AGAP1: variants seen among roughly 807,000 people sequenced by gnomAD.
AGAP1 encodes ArfGAP with GTPase domain, ankyrin repeat and PH domain 1, also known as arf-GAP with GTPase, ANK repeat and PH domain-containing protein 1.
A neutral mutation model predicts 105.3 loss-of-function variants in AGAP1; 29 were observed. The observed-to-expected ratio is 0.28, with a 90% CI of 0.21 to 0.38. The LOEUF is 0.38. AGAP1 is among the 10% of genes least tolerant of loss of function. The probability of loss-of-function intolerance (pLI) is 1.00; values close to 1 mark genes in which losing one functional copy is unlikely to be tolerated. For missense variants in AGAP1, 998 were observed against 1,165.1 expected (o/e 0.86, Z 2.09); for synonymous variants, 509 against 485.9 (o/e 1.05, Z -0.63).
In AGAP1 at chr2:236,049,301, C is replaced by T. The variant is rs759187819; in HGVS notation, c.2114+20C>T. Reference sequence around the variant, plus strand: ...CACAAGGTAGGAACTTTGGAAGATGCCTGGCTCCCGACACGTTTGCCAACA... The same window carrying T: ...CACAAGGTAGGAACTTTGGAAGATGTCTGGCTCCCGACACGTTTGCCAACA... On this transcript the variant is annotated intron_variant, in intron 16 of 17. Transcript: ENST00000304032. 5.6e-6 allele frequency: 9 copies of T among 1,598,618 alleles called. No homozygotes were observed. The highest frequency in any genetic ancestry group is 7.7e-6 in the Non-Finnish European group (9 of 1,167,544).
At chr2:235,603,918 C>T (rs567405626) in intron 1 of AGAP1, among the ~76,000 whole-genome samples, 12 of 152,216 alleles carry the variant, frequency 7.9e-5, no homozygotes, top group Admixed American at 3.3e-4. Context: ...GGTTGGTTGA[C>T]GGTCTGCAAG....
At chr2:236,018,068 G>T (rs953956511) in intron 13 of AGAP1, among the ~76,000 whole-genome samples, 1 of 152,208 alleles carries the variant, frequency 6.6e-6, no homozygotes, top group Admixed American at 6.6e-5. Flanking sequence ...GTCCATTGTG[G>T]CTAACACTGA....
At chr2:236,007,300 C>A (rs1455817385) in intron 13 of AGAP1, among the ~76,000 whole-genome samples, 1 of 152,190 alleles carries the variant, frequency 6.6e-6, no homozygotes, top group African/African-American at 2.4e-5. Flanking sequence ...TAGATATTTT[C>A]ACCAGTCTTC....
At chr2:235,688,902 G>A (rs1386258900) in intron 1 of AGAP1, among the ~76,000 whole-genome samples, 2 of 152,146 alleles carry the variant, frequency 1.3e-5, no homozygotes, top group African/African-American at 4.8e-5. Context: ...TGGGTTTGTT[G>A]CTGTGTCACA....
rs1235692784 is a variant in AGAP1, at chr2:235,819,117, CT to C, written c.1050+11800del. 3.9e-3 allele frequency among the ~76,000 whole-genome samples: 287 copies of C among 73,960 alleles called. 1 individual carries two copies. Among genetic ancestry groups the C allele is most frequent in the Non-Finnish European group, 4.4e-3 (146 of 32,846 alleles). 48.5% of individuals were successfully genotyped at this position (73,960 alleles called of 152,430 possible). A position where few individuals can be genotyped will look rare whatever the true frequency, so the allele number is the denominator to read the frequency against. ...AATTGTATTTCTTTTCTTTTCTTTT[CT>C]TTTTTTTTTTTTTGGAGACAGAGTC... On this transcript the variant is annotated intron_variant, in intron 9 of 17. Transcript: ENST00000304032.
chr2:235,568,983 T>C (rs550651175), intron 1 of AGAP1, among the ~76,000 whole-genome samples: 16 of 152,350 alleles, frequency 1.1e-4, no homozygotes, highest in African/African-American at 2.9e-4. Flanking sequence ...CTCACCTCAA[T>C]GCCATTAATT....
Position 236,125,366 on chromosome 2 carries a change from G to A in AGAP1, c.*1244G>A, listed in dbSNP as rs1445818776. ...AAGAGGGTTACAGATCATTGTACAT[G>A]GAAAATATTCCCAGCAGTAAACACT... On this transcript the variant is annotated 3_prime_UTR_variant, in exon 18 of 18. Coordinates refer to ENST00000304032, the MANE Select transcript of AGAP1 (RefSeq NM_001037131.3). The surrounding 1 kb of genome is among the most constrained non-coding windows in gnomAD (Gnocchi z 5.2). The A allele has an allele frequency of 6.6e-6, 1 of 152,582 alleles. No individual in the cohort carries two copies. Among genetic ancestry groups the A allele is most frequent in the Non-Finnish European group, 1.5e-5 (1 of 68,036 alleles). The allele number at this position is 152,582 out of a possible 1,614,324, so 9.5% of individuals were successfully genotyped here. A position where few individuals can be genotyped will look rare whatever the true frequency, so the allele number is the denominator to read the frequency against.
Position 235,600,416 on chromosome 2 carries a change from C to T in AGAP1, c.163+105567C>T, listed in dbSNP as rs116621203. 9.3e-3 allele frequency among the ~76,000 whole-genome samples: 1,411 copies of T among 152,272 alleles called. 26 individuals carry two copies. The highest frequency in any genetic ancestry group is 0.032 in the African/African-American group (1,344 of 41,550). ...CTTACCCACCCTCTGCCCTATAGAC[C>T]CCCATACTCCTGTAGATACCCCCTC... On this transcript the variant is annotated intron_variant, in intron 1 of 17. Coordinates refer to ENST00000304032, the MANE Select transcript of AGAP1 (RefSeq NM_001037131.3). The surrounding 1 kb of genome is among the most constrained non-coding windows in gnomAD (Gnocchi z 4.8).
intron 6 of AGAP1, among the ~76,000 whole-genome samples, chr2:235,782,227 G>T (rs1406525075): frequency 6.6e-6 from 1 of 151,584 alleles, no homozygotes; most frequent in East Asian, 2.0e-4. Context: ...GATAACTTTG[G>T]CTACTATATA....
rs561227911 is a variant in AGAP1 at position 235,625,031 on chromosome 2, C to T, written c.164-84148C>T. 5.9e-5 allele frequency among the ~76,000 whole-genome samples: 9 copies of T among 152,284 alleles called. No homozygotes were observed. Among genetic ancestry groups the T allele is most frequent in the East Asian group, 1.9e-4 (1 of 5,186 alleles). On this transcript the variant is annotated intron_variant, in intron 1 of 17. Coordinates refer to ENST00000304032, the MANE Select transcript of AGAP1 (RefSeq NM_001037131.3). This position sits in a 1 kb window ranked among gnomAD's most constrained non-coding sequence, Gnocchi z 4.0. ...ATGCTTTCTATACACTCTGCAGAAC[C>T]GTGTGCCAATTAAACTTCTTTTATT...
In AGAP1 at chr2:235,971,572, C is replaced by T. The variant is rs1374644492; in HGVS notation, c.1645+2949C>T. On this transcript the variant is annotated intron_variant, in intron 13 of 17. Transcript: ENST00000304032. The surrounding 1 kb of genome is among the most constrained non-coding windows in gnomAD (Gnocchi z 4.8). ...AAATTAGCTGGGCATGGTGGCAGGT[C>T]CCAGCTACTTGGGAGGCTGAGGCAG... Among the ~76,000 whole-genome samples, 2 of 151,802 alleles carry T rather than the reference C, an allele frequency of 1.3e-5. No individual in the cohort carries two copies. The highest frequency in any genetic ancestry group is 2.9e-5 in the Non-Finnish European group (2 of 67,898).
chr2:235,708,538 C>T (rs1425463621), intron 1 of AGAP1, among the ~76,000 whole-genome samples: 1 of 152,140 alleles, frequency 6.6e-6, no homozygotes, highest in African/African-American at 2.4e-5. Flanking sequence ...AGTCCTCCAT[C>T]TTTCTGACAT....
intron 13 of AGAP1, among the ~76,000 whole-genome samples, chr2:236,022,074 AAAAAG>A (rs1466725200): frequency 6.6e-6 from 1 of 150,838 alleles, no homozygotes; most frequent in East Asian, 1.9e-4. Context: ...AAAAAAAAAA[AAAAAG>A]GCACATATGG....
chr2:235,700,654 G>A lies in AGAP1; in HGVS notation c.164-8525G>A, dbSNP rs959896959. On this transcript the variant is annotated intron_variant, in intron 1 of 17. Coordinates refer to ENST00000304032, the MANE Select transcript of AGAP1 (RefSeq NM_001037131.3). The surrounding 1 kb of genome is among the most constrained non-coding windows in gnomAD (Gnocchi z 6.1). ...GTCTCTACTGAAAATACAAAAATTA[G>A]CCAGGCATGGTAGCGCGTGCCTGTA... Among the ~76,000 whole-genome samples, 3 of 151,990 alleles carry A rather than the reference G, an allele frequency of 2.0e-5. No homozygotes were observed. Among genetic ancestry groups the A allele is most frequent in the African/African-American group, 7.2e-5 (3 of 41,390 alleles).
At chr2:235,627,054 G>T (rs777000875) in intron 1 of AGAP1, among the ~76,000 whole-genome samples, 20 of 152,178 alleles carry the variant, frequency 1.3e-4, no homozygotes, top group Non-Finnish European at 2.6e-4. Context: ...AAGTTGAAAA[G>T]TAAGACATAG....
intron 9 of AGAP1, among the ~76,000 whole-genome samples, chr2:235,815,715 G>C (rs1958413222): frequency 6.6e-6 from 1 of 152,194 alleles, no homozygotes; most frequent in Non-Finnish European, 1.5e-5. Flanking sequence ...GCATGCGTTA[G>C]ATAGGAAGCA....
At chr2:235,529,105 G>A (rs1942954637) in intron 1 of AGAP1, among the ~76,000 whole-genome samples, 1 of 152,190 alleles carries the variant, frequency 6.6e-6, no homozygotes, top group Non-Finnish European at 1.5e-5. Context: ...CTAGCTCTGT[G>A]GCCCCTAGGC....
intron 13 of AGAP1, among the ~76,000 whole-genome samples, chr2:236,024,855 G>A (rs1251951046): frequency 6.6e-6 from 1 of 152,216 alleles, no homozygotes; most frequent in Non-Finnish European, 1.5e-5. Flanking sequence ...CAGGTTCATG[G>A]TGCTAAAATA....
Position 235,777,682 on chromosome 2 carries a change from C to T in AGAP1, c.674-20077C>T, listed in dbSNP as rs1575431501. Among the ~76,000 whole-genome samples, 1 of 152,282 alleles carries T rather than the reference C, an allele frequency of 6.6e-6. No individual in the cohort carries two copies. Among genetic ancestry groups the T allele is most frequent in the East Asian group, 1.9e-4 (1 of 5,166 alleles). ...CCTGAGCACGTTCAAGCCTCCTGCCCAGCACCTTCCTAGAGCACCGCCATT... is the reference window on the plus strand; with the variant it reads ...CCTGAGCACGTTCAAGCCTCCTGCCTAGCACCTTCCTAGAGCACCGCCATT... On this transcript the variant is annotated intron_variant, in intron 6 of 17. Transcript: ENST00000304032. This position sits in a 1 kb window ranked among gnomAD's most constrained non-coding sequence, Gnocchi z 5.1.
Sources: allele counts gnomAD v4.1 joint callset (sites outside exome capture counted in the v4.1 genomes callset), GRCh38; gene constraint gnomAD v4.1.1; non-coding constraint Gnocchi (gnomAD v3.1); transcripts MANE v1.5; gene names NCBI Gene and HGNC (gene_info 2026-07-23, HGNC 2026-07-21).